Variants in NXPE2 observed in about 807,000 individuals in gnomAD.
The protein encoded by NXPE2 is NXPE family member 2.
Under a neutral mutation model 34.4 loss-of-function variants are expected in NXPE2, and 34 were observed. The ratio of observed to expected loss-of-function variants is 0.99; its 90% CI spans 0.75 to 1.31. The LOEUF (loss-of-function observed/expected upper bound fraction) is 1.31, where lower values mean the gene tolerates loss of function less well. Ranked by LOEUF, NXPE2 falls within the 40% of genes most tolerant of loss-of-function variation. NXPE2 has a pLI of 0.00. For synonymous variants in NXPE2, 235 were observed against 231.3 expected (o/e 1.02, Z -0.15); for missense variants, 649 against 672.5 (o/e 0.97, Z 0.39).
the NXPE2 span, among the ~76,000 whole-genome samples, chr11:114,640,719 A>G: frequency 6.6e-6 from 1 of 151,894 alleles, no homozygotes. Flanking sequence ...GATACTGAGT[A>G]TTTTTTATAT....
chr11:114,603,645 G>C, the NXPE2 span, among the ~76,000 whole-genome samples: 1 of 151,628 alleles, frequency 6.6e-6, no homozygotes, highest in African/African-American at 2.4e-5. Flanking sequence ...CTATTACCTG[G>C]TGGATGGCAA....
At chr11:114,674,019 G>T (rs1950829553), upstream of NXPE2, among the ~76,000 whole-genome samples, 1 of 151,782 alleles carries the variant, frequency 6.6e-6, no homozygotes, top group Non-Finnish European at 1.5e-5. Flanking sequence ...CAAAGATGAT[G>T]ATGGGATTAG....
At chr11:114,513,113 A>G in the NXPE2 span, 6 of 541,256 alleles carry the variant, frequency 1.1e-5, no homozygotes, top group Admixed American at 1.2e-4. Context: ...AGCACCTGCC[A>G]TCAGGGCTGG....
At chr11:114,712,549 A>T in the NXPE2 span, among the ~76,000 whole-genome samples, 1 of 152,228 alleles carries the variant, frequency 6.6e-6, no homozygotes, top group Non-Finnish European at 1.5e-5. Context: ...GGAACTGCAA[A>T]TCAAAATTAC....
At chr11:114,790,797 G>A in the NXPE2 span, among the ~76,000 whole-genome samples, 2 of 151,786 alleles carry the variant, frequency 1.3e-5, no homozygotes, top group South Asian at 4.1e-4. Context: ...ATGAAAAAAG[G>A]AAGGAGCCTT....
intron 2 of NXPE2, among the ~76,000 whole-genome samples, chr11:114,686,115 C>G (rs1357074892): frequency 6.6e-6 from 1 of 151,078 alleles, no homozygotes; most frequent in Non-Finnish European, 1.5e-5. Flanking sequence ...TTTCTAAATA[C>G]TTTTATAATT....
the NXPE2 span, among the ~76,000 whole-genome samples, chr11:114,640,350 T>C: frequency 1.3e-5 from 2 of 149,188 alleles, no homozygotes; most frequent in African/African-American, 4.9e-5. Context: ...TATATAAATG[T>C]AGCATATATA....
chr11:114,507,035 G>A, the NXPE2 span, among the ~76,000 whole-genome samples: 6 of 151,772 alleles, frequency 4.0e-5, no homozygotes, highest in African/African-American at 4.8e-5. Flanking sequence ...AAATGACAAG[G>A]GGAATATTAC....
At chr11:114,609,414 C>T in the NXPE2 span, among the ~76,000 whole-genome samples, 1 of 151,766 alleles carries the variant, frequency 6.6e-6, no homozygotes, top group South Asian at 2.1e-4. Flanking sequence ...CCACTGTTAC[C>T]CTGTGGATAA....
downstream of NXPE2, among the ~76,000 whole-genome samples, chr11:114,709,847 AG>A (rs202145590): frequency 5.2e-3 from 786 of 152,170 alleles, 3 homozygotes; most frequent in African/African-American, 0.016. Context: ...GGTTGCAGTG[AG>A]CCAAGATCAT....
At chr11:114,796,822 A>G in the NXPE2 span, among the ~76,000 whole-genome samples, 2 of 152,224 alleles carry the variant, frequency 1.3e-5, no homozygotes, top group African/African-American at 2.4e-5. Context: ...GATGTGTACC[A>G]TTGGAATTGC....
the NXPE2 span, among the ~76,000 whole-genome samples, chr11:114,512,438 G>C: frequency 6.6e-6 from 1 of 152,082 alleles, no homozygotes; most frequent in Non-Finnish European, 1.5e-5. Flanking sequence ...GGATGTTAGT[G>C]TCAAACTTGG....
At chr11:114,527,771 A>G in the NXPE2 span, 1 of 1,053,340 alleles carries the variant, frequency 9.5e-7, no homozygotes, top group South Asian at 1.7e-5. Flanking sequence ...GGAGAACTAC[A>G]ATTATTTAGG....
the NXPE2 span, among the ~76,000 whole-genome samples, chr11:114,715,577 T>C: frequency 6.6e-6 from 1 of 152,222 alleles, no homozygotes; most frequent in African/African-American, 2.4e-5. Flanking sequence ...TACATGTTTA[T>C]GAAGACCAAG....
At chr11:114,539,327 A>G in the NXPE2 span, among the ~76,000 whole-genome samples, 3 of 152,048 alleles carry the variant, frequency 2.0e-5, no homozygotes, top group African/African-American at 7.2e-5. Flanking sequence ...AGATATACCT[A>G]TTGCTAAATG....
At chr11:114,806,035 A>T in the NXPE2 span, among the ~76,000 whole-genome samples, 1 of 152,122 alleles carries the variant, frequency 6.6e-6, no homozygotes, top group African/African-American at 2.4e-5. Flanking sequence ...TTTGCAGTTC[A>T]CCAATATCCG....
At chr11:114,541,345 C>G in the NXPE2 span, among the ~76,000 whole-genome samples, 6 of 152,128 alleles carry the variant, frequency 3.9e-5, no homozygotes, top group East Asian at 1.9e-4. Context: ...GACTATGAAA[C>G]AGCTATTATA....
the NXPE2 span, among the ~76,000 whole-genome samples, chr11:114,802,281 C>T: frequency 3.3e-5 from 5 of 152,282 alleles, no homozygotes; most frequent in South Asian, 2.1e-4. Flanking sequence ...TGTCTCTCCC[C>T]GTCAATCTTT....
At chr11:114,471,146 A>G in the NXPE2 span, among the ~76,000 whole-genome samples, 1 of 152,124 alleles carries the variant, frequency 6.6e-6, no homozygotes, top group African/African-American at 2.4e-5. Context: ...ATGAAGTCCA[A>G]TTTATCATTT....
Sources: allele counts gnomAD v4.1 joint callset (sites outside exome capture counted in the v4.1 genomes callset), GRCh38; gene constraint gnomAD v4.1.1; transcripts MANE v1.5; gene names NCBI Gene and HGNC (gene_info 2026-07-23, HGNC 2026-07-21).